Variants in NR5A1 observed in about 807,000 individuals in gnomAD.
The protein encoded by NR5A1 is nuclear receptor subfamily 5 group A member 1.
NR5A1 carries 6 observed loss-of-function variants against 42.7 expected under a neutral mutation model. That is an observed-to-expected ratio of 0.14 (90% CI 0.08 to 0.28). The LOEUF is 0.28. Among genes scored for constraint, NR5A1 ranks in the 10% least tolerant of loss-of-function variants. NR5A1 has a pLI of 1.00. For synonymous variants in NR5A1, 274 were observed against 277.5 expected, an observed-to-expected ratio of 0.99 and a Z score of 0.12; for missense variants, 442 against 626.4, an observed-to-expected ratio of 0.71 and a Z score of 3.14.
At chr9:124,494,728 A>G (rs1832363132) in intron 4 of NR5A1, among the ~76,000 whole-genome samples, 1 of 151,896 alleles carries the variant, frequency 6.6e-6, no homozygotes, top group African/African-American at 2.4e-5. Flanking sequence ...CAGAGGGGCC[A>G]CTCACCACCT....
chr9:124,506,350 C>A (rs1370686714), intron 1 of NR5A1, among the ~76,000 whole-genome samples: 2 of 152,128 alleles, frequency 1.3e-5, no homozygotes, highest in African/African-American at 4.8e-5. Flanking sequence ...AGCCAGAGAC[C>A]CTGTTAATCG....
chr9:124,498,878 C>A lies in NR5A1; in HGVS notation c.870+1212G>T, dbSNP rs1041506373. On this transcript the variant is annotated intron_variant, in intron 4 of 6. Transcript: ENST00000373588. This position sits in a 1 kb window ranked among gnomAD's most constrained non-coding sequence, Gnocchi z 4.6. Reference sequence around the variant, plus strand: ...CCAGATGGCCCAGGCCCCAGTCCCGCGATGCCCCTAGGGCTCGGAGCACCC... The same window carrying A: ...CCAGATGGCCCAGGCCCCAGTCCCGAGATGCCCCTAGGGCTCGGAGCACCC... 6.6e-6 allele frequency among the ~76,000 whole-genome samples: 1 copy of A among 152,212 alleles called. No homozygotes were observed. The highest frequency in any genetic ancestry group is 6.5e-5 in the Admixed American group (1 of 15,282).
In NR5A1 at chr9:124,500,221, A is replaced by C. The variant is rs1224716069; in HGVS notation, c.739T>G (p.Cys247Gly). Residue 247 changes from cysteine to glycine, a missense_variant, in exon 4 of 7, where the codon TGC (cysteine) becomes GGC (glycine). Cys to Gly is a radical substitution (Grantham distance 159, BLOSUM62 -3). Coordinates refer to ENST00000373588, the MANE Select transcript of NR5A1 (RefSeq NM_004959.5). This position sits in a 1 kb window ranked among gnomAD's most constrained non-coding sequence, Gnocchi z 6.9. The stretch of plus-strand genomic sequence containing the variant: ...CGGCTTTTGGTGGGCTCCTGCAGGC[A>C]GCCCAAGATGCGGGCCCGCACCTGG... ...EDQVRARILG[C>G]LQEPTKSRPD... is the part of the protein sequence containing the mutation. 1 of 1,608,736 alleles carries C rather than the reference A, an allele frequency of 6.2e-7. No homozygotes were observed. Among genetic ancestry groups the C allele is most frequent in the Non-Finnish European group, 8.5e-7 (1 of 1,177,412 alleles).
chr9:124,504,738 C>A (rs1488848681), intron 1 of NR5A1, among the ~76,000 whole-genome samples: 1 of 146,672 alleles, frequency 6.8e-6, no homozygotes, highest in Non-Finnish European at 1.5e-5. Context: ...CCGCACCTCT[C>A]GGCCGCGCCG....
intron 1 of NR5A1, among the ~76,000 whole-genome samples, chr9:124,505,677 T>C (rs1832546239): frequency 6.6e-6 from 1 of 152,104 alleles, no homozygotes; most frequent in South Asian, 2.1e-4. Flanking sequence ...ATTTTACAAA[T>C]GTCCGAGGCC....
chr9:124,483,008 G>A lies in NR5A1; in HGVS notation c.1139-3C>T. The A allele has an allele frequency of 3.1e-6, 5 of 1,613,992 alleles. No homozygotes were observed. The highest frequency in any genetic ancestry group is 4.2e-6 in the Non-Finnish European group (5 of 1,180,026). The stretch of plus-strand genomic sequence containing the variant: ...GTGGTTATTCAGGAACTTCAAATCT[G>A]CAAAGGGAGGTTCTCGGTCACCATC... On this transcript the variant is annotated splice_region_variant and splice_polypyrimidine_tract_variant and intron_variant, in intron 6 of 6. Coordinates refer to ENST00000373588, the MANE Select transcript of NR5A1 (RefSeq NM_004959.5).
chr9:124,492,886 C>A, intron 5 of NR5A1, 144 bp downstream of exon 5: 2 of 1,058,814 alleles, frequency 1.9e-6, no homozygotes, highest in Non-Finnish European at 2.6e-6. Context: ...GTGGGTGTTC[C>A]ATGAACGTGG....
chr9:124,504,835 G>T (rs1832527676), intron 1 of NR5A1, among the ~76,000 whole-genome samples: 1 of 146,264 alleles, frequency 6.8e-6, no homozygotes, highest in Non-Finnish European at 1.5e-5. Flanking sequence ...AGGCGGGGGC[G>T]CGGGGCTGGC....
chr9:124,494,399 C>T (rs543447759), intron 4 of NR5A1, among the ~76,000 whole-genome samples: 1 of 152,314 alleles, frequency 6.6e-6, no homozygotes, highest in East Asian at 1.9e-4. Flanking sequence ...TCCAGGAGTT[C>T]CTGGTCTCTC....
At chr9:124,487,947 C>G (rs1390229221) in intron 6 of NR5A1, among the ~76,000 whole-genome samples, 1 of 152,190 alleles carries the variant, frequency 6.6e-6, no homozygotes, top group Non-Finnish European at 1.5e-5. Flanking sequence ...CGAATTTCAT[C>G]ATGTTACTGC....
At position 124,500,766 on chromosome 9, in the gene NR5A1, T is replaced by C. The variant is rs1832459700; in HGVS notation, c.245-51A>G. 1 of 1,611,542 alleles carries C rather than the reference T, an allele frequency of 6.2e-7. No individual in the cohort carries two copies. ...CTCACCCTCTCTAAGCCCCCTTCCA[T>C]GCTGCCCCACCACAGATCCTTTCCA... On this transcript the variant is annotated intron_variant, in intron 3 of 6. Transcript: ENST00000373588. This position sits in a 1 kb window ranked among gnomAD's most constrained non-coding sequence, Gnocchi z 6.9.
chr9:124,493,195 A>G (rs368817859), intron 4 of NR5A1, 46 bp from the exon 5 acceptor site: 2 of 1,585,714 alleles, frequency 1.3e-6, no homozygotes, highest in South Asian at 1.1e-5. Flanking sequence ...GCCAGGGTCC[A>G]GGGACCTTCC....
intron 6 of NR5A1, among the ~76,000 whole-genome samples, chr9:124,490,578 GT>G (rs1209185746): frequency 6.6e-6 from 1 of 152,130 alleles, no homozygotes; most frequent in Non-Finnish European, 1.5e-5. Flanking sequence ...AGGAACCTAC[GT>G]CTTACTAATC....
chr9:124,491,406 G>A (rs1291390529), intron 5 of NR5A1, among the ~76,000 whole-genome samples, 178 bp from the exon 6 acceptor site: 2 of 152,126 alleles, frequency 1.3e-5, no homozygotes, highest in African/African-American at 2.4e-5. Context: ...GCACAGCCCC[G>A]GGGACGCTGC....
At chr9:124,491,845 A>C (rs763901612) in intron 5 of NR5A1, among the ~76,000 whole-genome samples, 1 of 151,654 alleles carries the variant, frequency 6.6e-6, no homozygotes, top group Non-Finnish European at 1.5e-5. Context: ...AGTGACACCC[A>C]CACACTGATG....
rs768462500 is a variant in NR5A1 at position 124,488,561 on chromosome 9, G to A, written c.1138+2520C>T. Among the ~76,000 whole-genome samples the A allele has an allele frequency of 3.9e-5, 6 of 152,296 alleles. 1 individual carries two copies. Among genetic ancestry groups the A allele is most frequent in the South Asian group, 4.2e-4 (2 of 4,818 alleles). The stretch of plus-strand genomic sequence containing the variant: ...TCATTCACTTCATTCTTTCACTTAC[G>A]CATATGCACATTAACTTAATAATGG... On this transcript the variant is annotated intron_variant, in intron 6 of 6. Transcript: ENST00000373588.
At chr9:124,489,591 G>A (rs115995146) in intron 6 of NR5A1, among the ~76,000 whole-genome samples, 1,763 of 152,308 alleles carry the variant, frequency 0.012, 28 homozygotes, top group African/African-American at 0.037. Flanking sequence ...ACTCTATCCT[G>A]TGCCAGTCTG....
chr9:124,487,609 A>C (rs535298509), intron 6 of NR5A1, among the ~76,000 whole-genome samples: 3 of 152,322 alleles, frequency 2.0e-5, no homozygotes, highest in Admixed American at 2.0e-4. Flanking sequence ...GGCGCGAAGG[A>C]GGCGCTGAGT....
At chr9:124,504,952 G>C (rs561485509) in intron 1 of NR5A1, among the ~76,000 whole-genome samples, 2 of 141,600 alleles carry the variant, frequency 1.4e-5, no homozygotes, top group Non-Finnish European at 3.1e-5. Flanking sequence ...CCTGGGACCC[G>C]GGCCCCTCAG....
Sources: allele counts gnomAD v4.1 joint callset (sites outside exome capture counted in the v4.1 genomes callset), GRCh38; gene constraint gnomAD v4.1.1; non-coding constraint Gnocchi (gnomAD v3.1); transcripts MANE v1.5; gene names NCBI Gene and HGNC (gene_info 2026-07-23, HGNC 2026-07-21).